PLCB1: variants seen among roughly 807,000 people sequenced by gnomAD.
The protein encoded by PLCB1 is 1-phosphatidylinositol 4,5-bisphosphate phosphodiesterase beta-1.
In PLCB1, 46 loss-of-function variants were observed where a neutral mutation model predicts 161.8. That is an observed-to-expected ratio of 0.28 (90% CI 0.22 to 0.36). The LOEUF (loss-of-function observed/expected upper bound fraction) is 0.36, where lower values mean the gene tolerates loss of function less well. PLCB1 is among the 10% of genes least tolerant of loss of function. The pLI is 1.00. For missense variants in PLCB1, 1,016 were observed against 1,472.5 expected (o/e 0.69, Z 5.07); for synonymous variants, 517 against 503.7 (o/e 1.03, Z -0.35).
rs540630143 is a variant in PLCB1 at position 8,404,886 on chromosome 20, A to G, written c.246+33436A>G. On this transcript the variant is annotated intron_variant, in intron 3 of 31. Coordinates refer to ENST00000338037, the MANE Select transcript of PLCB1 (RefSeq NM_015192.4). Reference sequence around the variant, plus strand: ...ATTCAAGTAACATTAACACACCACAATTATTGAAGTTGTATGTATCCAGAT... The same window carrying G: ...ATTCAAGTAACATTAACACACCACAGTTATTGAAGTTGTATGTATCCAGAT... Among the ~76,000 whole-genome samples the G allele has an allele frequency of 1.8e-4, 27 of 152,272 alleles. No homozygotes were observed. The South Asian group carries it at 1.9e-3, about 11-fold the overall frequency.
At chr20:8,350,964 C>T (rs1338421449) in intron 2 of PLCB1, among the ~76,000 whole-genome samples, 2 of 152,094 alleles carry the variant, frequency 1.3e-5, no homozygotes, top group Non-Finnish European at 2.9e-5. Flanking sequence ...ATCCCAGTCA[C>T]AATCCCAGCA....
intron 31 of PLCB1, among the ~76,000 whole-genome samples, chr20:8,869,524 A>G (rs1052829526): frequency 3.9e-5 from 6 of 152,206 alleles, no homozygotes; most frequent in Admixed American, 6.5e-5. Context: ...GTATGTATAT[A>G]AAGCAATAAG....
chr20:8,203,792 G>A (rs6055642), intron 2 of PLCB1, among the ~76,000 whole-genome samples: 3,867 of 152,198 alleles, frequency 0.025, 184 homozygotes, highest in African/African-American at 0.088. Context: ...AATAGATGGA[G>A]ATTTTTTAAT....
chr20:8,203,976 T>C (rs1014632763), intron 2 of PLCB1, among the ~76,000 whole-genome samples: 10 of 152,136 alleles, frequency 6.6e-5, no homozygotes, highest in Non-Finnish European at 1.5e-4. Flanking sequence ...AACTTCCCTC[T>C]TGGTGCCTTC....
chr20:8,880,334 C>T (rs572547129), intron 31 of PLCB1, among the ~76,000 whole-genome samples: 72 of 152,186 alleles, frequency 4.7e-4, no homozygotes, highest in Non-Finnish European at 8.5e-4. Context: ...CCCTGTCTAC[C>T]GGAGAATCCC....
intron 3 of PLCB1, among the ~76,000 whole-genome samples, chr20:8,429,064 T>C (rs1004854622): frequency 2.0e-5 from 3 of 152,148 alleles, no homozygotes; most frequent in Admixed American, 1.3e-4. Context: ...GTTTATTGTA[T>C]GCACGCAAGC....
chr20:8,609,312 T>C (rs1198601057), intron 3 of PLCB1, among the ~76,000 whole-genome samples: 1 of 152,192 alleles, frequency 6.6e-6, no homozygotes, highest in Non-Finnish European at 1.5e-5. Context: ...CAAGACATGG[T>C]TCAAACATTA....
At chr20:8,246,178 G>T (rs1389246110) in intron 2 of PLCB1, among the ~76,000 whole-genome samples, 1 of 151,830 alleles carries the variant, frequency 6.6e-6, no homozygotes, top group Non-Finnish European at 1.5e-5. Context: ...TTGTGCAAAA[G>T]CCATCCCAAA....
intron 31 of PLCB1, among the ~76,000 whole-genome samples, chr20:8,878,604 A>G (rs1987861334): frequency 6.6e-6 from 1 of 152,192 alleles, no homozygotes; most frequent in African/African-American, 2.4e-5. Flanking sequence ...ATAAGAATTT[A>G]TATGCTAGCA....
chr20:8,463,146 A>AGTGTGTGTGT (rs11472638), intron 3 of PLCB1, among the ~76,000 whole-genome samples: 14,350 of 144,634 alleles, frequency 0.099, 842 homozygotes, highest in East Asian at 0.23. Flanking sequence ...AGTACAGAGC[A>AGTGTGTGTGT]GTGTGTGTGT....
At chr20:8,745,942 T>A (rs1484370750) in intron 23 of PLCB1, among the ~76,000 whole-genome samples, 1 of 152,230 alleles carries the variant, frequency 6.6e-6, no homozygotes, top group Non-Finnish European at 1.5e-5. Context: ...TTTGTTTGTT[T>A]GTTTTTTGAG....
intron 3 of PLCB1, among the ~76,000 whole-genome samples, chr20:8,569,490 C>T (rs1986439094): frequency 6.6e-6 from 1 of 152,136 alleles, no homozygotes; most frequent in Admixed American, 6.5e-5. Context: ...AGCCACTTGG[C>T]ATTGTGTTTC....
At chr20:8,341,841 T>C (rs917256657) in intron 2 of PLCB1, among the ~76,000 whole-genome samples, 1 of 152,256 alleles carries the variant, frequency 6.6e-6, no homozygotes, top group Non-Finnish European at 1.5e-5. Flanking sequence ...AATAATGTTA[T>C]GAAGTAGGAA....
chr20:8,435,709 T>G (rs1448153280), intron 3 of PLCB1, among the ~76,000 whole-genome samples: 2 of 152,176 alleles, frequency 1.3e-5, no homozygotes, highest in Non-Finnish European at 2.9e-5. Flanking sequence ...GCCTCCAGAC[T>G]TTAACCCAAT....
intron 2 of PLCB1, among the ~76,000 whole-genome samples, chr20:8,254,700 A>G (rs533881439): frequency 6.6e-6 from 1 of 152,158 alleles, no homozygotes; most frequent in African/African-American, 2.4e-5. Context: ...TTATACCGCT[A>G]CGAGGCACTT....
chr20:8,172,671 G>A lies in PLCB1; in HGVS notation c.177+22300G>A, dbSNP rs941137059. The stretch of plus-strand genomic sequence containing the variant: ...TTAAAAAAGGATCACTGAGACTTCT[G>A]ATCTATACAAGATGGCCAGATTAGA... On this transcript the variant is annotated intron_variant, in intron 2 of 31. Coordinates refer to ENST00000338037, the MANE Select transcript of PLCB1 (RefSeq NM_015192.4). Among the ~76,000 whole-genome samples the A allele has an allele frequency of 2.6e-5, 4 of 152,286 alleles. No homozygotes were observed. In the East Asian group the frequency reaches 7.7e-4, roughly 29 times the overall value.
At chr20:8,713,229 C>G (rs1434240772) in intron 12 of PLCB1, among the ~76,000 whole-genome samples, 1 of 152,116 alleles carries the variant, frequency 6.6e-6, no homozygotes, top group East Asian at 1.9e-4. Flanking sequence ...CACTCTGTCA[C>G]CCAGGCAGGA....
In PLCB1 at chr20:8,299,026, CATTCATTCATTT is replaced by C. The variant is rs952752834; in HGVS notation, c.178-72343_178-72332del. The stretch of plus-strand genomic sequence containing the variant: ...GGTAGGTAGATAGACAGACTAGATT[CATTCATTCATTT>C]ATTCATTCATTTTTCTGAAGAAGTA... On this transcript the variant is annotated intron_variant, in intron 2 of 31. Coordinates refer to ENST00000338037, the MANE Select transcript of PLCB1 (RefSeq NM_015192.4). Among the ~76,000 whole-genome samples, 18 of 145,494 alleles carry C rather than the reference CATTCATTCATTT, an allele frequency of 1.2e-4. No homozygotes were observed. In the Middle Eastern group the frequency reaches 0.01, roughly 84 times the overall value.
At chr20:8,611,895 G>C (rs1056121678) in intron 3 of PLCB1, among the ~76,000 whole-genome samples, 78 of 152,254 alleles carry the variant, frequency 5.1e-4, no homozygotes, top group Non-Finnish European at 8.5e-4. Flanking sequence ...ACAGTGAGCT[G>C]TGATGGTGCC....
Sources: gnomAD v4.1 joint callset for allele counts (sites outside exome capture counted in the v4.1 genomes callset) on GRCh38, gnomAD v4.1.1 for gene constraint, MANE v1.5 for transcripts, NCBI Gene and HGNC (gene_info 2026-07-23, HGNC 2026-07-21) for gene names.